Variants in SYNE1 observed in about 807,000 individuals in gnomAD.
The protein encoded by SYNE1 is spectrin repeat containing nuclear envelope protein 1, also known as nesprin-1.
A neutral mutation model predicts 1,111.0 loss-of-function variants in SYNE1; 616 were observed. That is an observed-to-expected ratio of 0.55 (90% CI 0.52 to 0.59). The LOEUF is 0.59. Ranked by LOEUF, SYNE1 falls within the 20% of genes least tolerant of loss-of-function variation. The pLI is 0.00. For synonymous variants in SYNE1, 3,855 were observed against 3,825.8 expected, an observed-to-expected ratio of 1.01 and a Z score of -0.28; for missense variants, 10,006 against 10,417.0, an observed-to-expected ratio of 0.96 and a Z score of 1.72.
chr6:152,242,282 C>T lies in SYNE1; in HGVS notation c.19851G>A (p.Val6617=). 1 of 1,614,056 alleles carries T rather than the reference C, an allele frequency of 6.2e-7. No homozygotes were observed. Among genetic ancestry groups the T allele is most frequent in the Non-Finnish European group, 8.5e-7 (1 of 1,180,006 alleles). Residue 6617 remains valine (V), a synonymous_variant, in exon 107 of 146, where the codon GTG becomes GTA. Transcript: ENST00000367255. The part of the protein sequence containing the change: ...EKMAGDQKII[V]SSKEEIQQLL... ...GTTGCTGGATTTCCTCTTTGGAAGA[C>T]ACGATGATTTTCTGGTCTCCTGCCA...
chr6:152,518,931 G>C (rs1042410667), intron 6 of SYNE1, among the ~76,000 whole-genome samples: 2 of 150,102 alleles, frequency 1.3e-5, no homozygotes, highest in East Asian at 4.0e-4. Flanking sequence ...ATATACAATT[G>C]AACAATGAGA....
Position 152,310,311 on chromosome 6 carries a change from T to G in SYNE1, c.17019+85A>C, listed in dbSNP as rs912967153. ...TAAATTAAAAAAAATAAAACAGTGTTGAGTTTAGGAGGCATTTTTCCTTAC... is the reference window on the plus strand; with the variant it reads ...TAAATTAAAAAAAATAAAACAGTGTGGAGTTTAGGAGGCATTTTTCCTTAC... On this transcript the variant is annotated intron_variant, in intron 89 of 145. Transcript: ENST00000367255. 1.9e-6 allele frequency: 3 copies of G among 1,557,950 alleles called. No homozygotes were observed. The South Asian group carries it at 3.4e-5, about 18-fold the overall frequency.
chr6:152,564,836 T>C (rs961833967), intron 3 of SYNE1, among the ~76,000 whole-genome samples: 4 of 152,138 alleles, frequency 2.6e-5, no homozygotes, highest in African/African-American at 9.7e-5. Context: ...TTTCAAAAGG[T>C]GACTTAGCCA....
chr6:152,520,581 C>T (rs1355789237), intron 5 of SYNE1, 39 bp from the exon 6 acceptor site: 2 of 1,598,170 alleles, frequency 1.3e-6, no homozygotes, highest in African/African-American at 1.3e-5. Flanking sequence ...GAGACAAAAT[C>T]TGCATATTAA....
chr6:152,408,949 T>A (rs572117772), intron 44 of SYNE1, 119 bp downstream of exon 44: 34 of 1,023,614 alleles, frequency 3.3e-5, no homozygotes, highest in Non-Finnish European at 4.5e-5. Context: ...AGTGAAACTC[T>A]GTCTCCAAAA....
chr6:152,360,660 G>A (rs187698052), intron 64 of SYNE1, among the ~76,000 whole-genome samples: 175 of 152,234 alleles, frequency 1.1e-3, no homozygotes, highest in African/African-American at 4.0e-3. Flanking sequence ...ATCGGGCACA[G>A]TCCCTACATG....
intron 3 of SYNE1, among the ~76,000 whole-genome samples, chr6:152,617,362 C>A (rs965915749): frequency 2.6e-5 from 4 of 152,166 alleles, no homozygotes; most frequent in Non-Finnish European, 5.9e-5. Context: ...TTCAACTATT[C>A]ATTAAATAAA....
At chr6:152,334,446 C>A (rs1259246078) in intron 76 of SYNE1, among the ~76,000 whole-genome samples, 173 bp from the exon 77 acceptor site, 1 of 152,102 alleles carries the variant, frequency 6.6e-6, no homozygotes, top group South Asian at 2.1e-4. Context: ...AATCACCATA[C>A]CTCTTTATGA....
At chr6:152,162,537 ACAT>A (rs2062736692) in intron 131 of SYNE1, among the ~76,000 whole-genome samples, 1 of 152,220 alleles carries the variant, frequency 6.6e-6, no homozygotes, top group Non-Finnish European at 1.5e-5. Flanking sequence ...ATCACTATAG[ACAT>A]CATTACCATG....
rs755247282 is a variant in SYNE1, at chr6:152,404,238, T to C, written c.6800A>G (p.Asn2267Ser). 2 of 1,613,118 alleles carry C rather than the reference T, an allele frequency of 1.2e-6. No homozygotes were observed. Among genetic ancestry groups the C allele is most frequent in the South Asian group, 2.2e-5 (2 of 91,052 alleles). ...CTGAAGGTCTGGCGGTGTTTCTAGA[T>C]TTTTAGTTAATTCTTTCAGATCATT... The part of the protein sequence containing the change: ...KVNDLKELTK[N>S]LETPPDLQFI... Residue 2267 changes from asparagine (N) to serine (S), a missense_variant, in exon 46 of 146, where the codon AAT becomes AGT. Coordinates refer to ENST00000367255, the MANE Select transcript of SYNE1 (RefSeq NM_182961.4).
At chr6:152,498,017 T>C (rs2099009109) in intron 11 of SYNE1, among the ~76,000 whole-genome samples, 1 of 152,150 alleles carries the variant, frequency 6.6e-6, no homozygotes, top group African/African-American at 2.4e-5. Context: ...TGTTCACATA[T>C]ACATAACCTC....
intron 98 of SYNE1, among the ~76,000 whole-genome samples, chr6:152,271,941 G>A (rs912961754): frequency 2.0e-5 from 3 of 152,206 alleles, no homozygotes; most frequent in Admixed American, 6.5e-5. Flanking sequence ...AATTCTCCGA[G>A]CCCTGAGCCC....
At chr6:152,395,784 T>C (rs1008808798) in intron 50 of SYNE1, 113 bp from the exon 51 acceptor site, 7 of 1,119,196 alleles carry the variant, frequency 6.3e-6, no homozygotes, top group Non-Finnish European at 9.3e-6. Flanking sequence ...TCATGAATGT[T>C]CAAGTGACAA....
chr6:152,534,969 T>A (rs2099227163), intron 4 of SYNE1, among the ~76,000 whole-genome samples: 1 of 152,246 alleles, frequency 6.6e-6, no homozygotes. Context: ...CTTAATGGAA[T>A]CTGTTATAGG....
chr6:152,501,076 C>T (rs2099027527), intron 10 of SYNE1, among the ~76,000 whole-genome samples: 1 of 152,022 alleles, frequency 6.6e-6, no homozygotes. Context: ...CAGTTTTTCA[C>T]ACATCTTGAA....
At chr6:152,145,844 G>T (rs2059382319) in intron 137 of SYNE1, 1 of 379,178 alleles carries the variant, frequency 2.6e-6, no homozygotes, top group Admixed American at 3.7e-5. Context: ...GGCCGACATG[G>T]TGGAACCCCA....
intron 56 of SYNE1, among the ~76,000 whole-genome samples, chr6:152,379,988 C>T (rs1171202546): frequency 6.6e-6 from 1 of 152,190 alleles, no homozygotes; most frequent in Non-Finnish European, 1.5e-5. Flanking sequence ...TTATCAACTT[C>T]TTTGTCCCTC....
intron 78 of SYNE1, among the ~76,000 whole-genome samples, chr6:152,327,570 A>T (rs939627624): frequency 6.6e-6 from 1 of 152,242 alleles, no homozygotes; most frequent in Admixed American, 6.5e-5. Context: ...GAAAAGGTAG[A>T]GAAAGTACCC....
chr6:152,127,597 C>T (rs887049827), intron 145 of SYNE1: 23 of 152,158 alleles, frequency 1.5e-4, no homozygotes, highest in African/African-American at 5.5e-4. Flanking sequence ...TGTCTTGTTC[C>T]CTAGAAACAC....
Sources: gnomAD v4.1 joint callset for allele counts (sites outside exome capture counted in the v4.1 genomes callset) on GRCh38, gnomAD v4.1.1 for gene constraint, MANE v1.5 for transcripts, NCBI Gene and HGNC (gene_info 2026-07-23, HGNC 2026-07-21) for gene names.